The following EML1 variants were observed in gnomAD, a reference collection of about 807,000 sequenced individuals.
The protein encoded by EML1 is EMAP like 1, also known as echinoderm microtubule-associated protein-like 1.
EML1 carries 27 observed loss-of-function variants against 110.4 expected under a neutral mutation model. The ratio of observed to expected loss-of-function variants is 0.24; its 90% confidence interval spans 0.18 to 0.34. EML1 has a LOEUF of 0.34. Ranked by LOEUF, EML1 falls within the 10% of genes least tolerant of loss-of-function variation. The probability of loss-of-function intolerance (pLI) is 1.00; values close to 1 mark genes in which losing one functional copy is unlikely to be tolerated. For synonymous variants in EML1, 344 were observed against 385.8 expected (o/e 0.89, Z 1.27); for missense variants, 741 against 1,030.9 (o/e 0.72, Z 3.85).
intron 1 of EML1, among the ~76,000 whole-genome samples, chr14:99,754,994 G>T (rs906073995): frequency 6.6e-6 from 1 of 152,234 alleles, no homozygotes; most frequent in African/African-American, 2.4e-5. Context: ...TCCCGCTAAT[G>T]GTTTATCTTC....
intron 8 of EML1, among the ~76,000 whole-genome samples, chr14:99,900,282 G>A (rs1169961533): frequency 4.1e-5 from 6 of 147,932 alleles, no homozygotes; most frequent in African/African-American, 1.0e-4. Flanking sequence ...TCCACCTCCC[G>A]GGTTCAAGCG....
chr14:99,918,764 A>G lies in EML1; in HGVS notation c.1820+915A>G, dbSNP rs374246726. Among the ~76,000 whole-genome samples the G allele has an allele frequency of 2.0e-4, 30 of 152,252 alleles. No homozygotes were observed. The South Asian group carries it at 3.9e-3, about 20-fold the overall frequency. ...CAGGAGTTCGAGGCTGCATCGCACT[A>G]TGATTGCACCACTGTACCCTCGCCT... On this transcript the variant is annotated intron_variant, in intron 16 of 21. Transcript: ENST00000262233.
At chr14:99,815,494 C>G (rs1566879332) in intron 1 of EML1, among the ~76,000 whole-genome samples, 2 of 152,140 alleles carry the variant, frequency 1.3e-5, no homozygotes, top group African/African-American at 4.8e-5. Flanking sequence ...GATATGCCCC[C>G]TTGTTGTGTC....
rs1264282419 is a variant in EML1, at chr14:99,936,811, A to C, written c.2095+477A>C. On this transcript the variant is annotated intron_variant, in intron 19 of 21. Coordinates refer to ENST00000262233, the MANE Select transcript of EML1 (RefSeq NM_004434.3). The surrounding 1 kb of genome is among the most constrained non-coding windows in gnomAD (Gnocchi z 5.5). ...CTGACCCTGGCCAGTCTCTGGGCCCAGGCAGTGCTTGGGAACAGCGAGGAT... is the reference window on the plus strand; with the variant it reads ...CTGACCCTGGCCAGTCTCTGGGCCCCGGCAGTGCTTGGGAACAGCGAGGAT... 2.0e-5 allele frequency among the ~76,000 whole-genome samples: 3 copies of C among 152,136 alleles called. No homozygotes were observed. Among genetic ancestry groups the C allele is most frequent in the Non-Finnish European group, 4.4e-5 (3 of 68,016 alleles).
chr14:99,803,232 G>A lies in EML1; in HGVS notation c.67+9689G>A, dbSNP rs115033995. Among the ~76,000 whole-genome samples, 880 of 152,260 alleles carry A rather than the reference G, an allele frequency of 5.8e-3. 11 individuals are homozygous for A. Among genetic ancestry groups the A allele is most frequent in the African/African-American group, 0.02 (846 of 41,556 alleles). ...TCTTATAGCACCTCCTCAAACACACGCACCAGGCGCCACCAGGCACCATGC... is the reference window on the plus strand; with the variant it reads ...TCTTATAGCACCTCCTCAAACACACACACCAGGCGCCACCAGGCACCATGC... On this transcript the variant is annotated intron_variant, in intron 1 of 21. Transcript: ENST00000262233.
intron 17 of EML1, among the ~76,000 whole-genome samples, chr14:99,925,838 G>A (rs1340244513): frequency 1.3e-5 from 2 of 152,098 alleles, no homozygotes; most frequent in South Asian, 2.1e-4. Flanking sequence ...CCAGGAATGC[G>A]CTCACCCATC....
intron 1 of EML1, among the ~76,000 whole-genome samples, chr14:99,819,046 T>C (rs1353483284): frequency 6.6e-6 from 1 of 152,154 alleles, no homozygotes; most frequent in Non-Finnish European, 1.5e-5. Flanking sequence ...CTTGAGAAAC[T>C]CCTGAGCTCA....
chr14:99,821,082 AC>A (rs2058254121), intron 1 of EML1, among the ~76,000 whole-genome samples: 1 of 146,674 alleles, frequency 6.8e-6, no homozygotes, highest in Non-Finnish European at 1.5e-5. Flanking sequence ...GAGTGCAGTG[AC>A]ACGGTCATAG....
intron 1 of EML1, among the ~76,000 whole-genome samples, chr14:99,786,658 G>A (rs1316809443): frequency 2.0e-5 from 3 of 152,262 alleles, no homozygotes; most frequent in Non-Finnish European, 4.4e-5. Flanking sequence ...CGGCACGTCT[G>A]AGAGTCGCGA....
In EML1 at chr14:99,820,845, G is replaced by A. The variant is rs2139743872; in HGVS notation, c.67+27302G>A. On this transcript the variant is annotated intron_variant, in intron 1 of 21. Transcript: ENST00000262233. ...AGCATGGAAGGAGGAGCCATGTGGT[G>A]GGAAGGTGCACGGAGGCCCGGTGGC... Among the ~76,000 whole-genome samples, 2 of 152,160 alleles carry A rather than the reference G, an allele frequency of 1.3e-5. 1 individual carries two copies. The highest frequency in any genetic ancestry group is 4.2e-4 in the South Asian group (2 of 4,806).
intron 4 of EML1, among the ~76,000 whole-genome samples, chr14:99,885,428 A>T (rs1415498038): frequency 1.3e-5 from 2 of 152,234 alleles, no homozygotes; most frequent in Non-Finnish European, 2.9e-5. Context: ...ATACAGTATT[A>T]TAATTTTGTG....
At chr14:99,894,081 C>T (rs2059633054) in intron 5 of EML1, among the ~76,000 whole-genome samples, 1 of 151,980 alleles carries the variant, frequency 6.6e-6, no homozygotes, top group Non-Finnish European at 1.5e-5. Flanking sequence ...GAGCATTTTC[C>T]TTTCTGCATT....
intron 1 of EML1, among the ~76,000 whole-genome samples, chr14:99,745,873 A>G (rs888171215): frequency 3.3e-5 from 5 of 152,186 alleles, no homozygotes; most frequent in African/African-American, 1.2e-4. Flanking sequence ...TGCTGTGTGC[A>G]TGGTGTACTG....
intron 17 of EML1, among the ~76,000 whole-genome samples, chr14:99,932,359 C>T (rs887471899): frequency 2.6e-5 from 4 of 152,102 alleles, no homozygotes; most frequent in Admixed American, 1.3e-4. Flanking sequence ...ATATGGGGGC[C>T]GGGCGCGGTG....
intron 17 of EML1, among the ~76,000 whole-genome samples, chr14:99,927,386 G>T (rs1248300998): frequency 6.6e-6 from 1 of 152,062 alleles, no homozygotes; most frequent in African/African-American, 2.4e-5. Context: ...TCTGTCCCCT[G>T]TATTTCCCAT....
chr14:99,780,668 G>A (rs550446814), intron 1 of EML1, among the ~76,000 whole-genome samples: 7 of 152,128 alleles, frequency 4.6e-5, no homozygotes, highest in Admixed American at 2.0e-4. Context: ...TGGACTGCAC[G>A]TATGATGATG....
At chr14:99,900,504 T>C (rs1449712204) in intron 8 of EML1, among the ~76,000 whole-genome samples, 5 of 152,196 alleles carry the variant, frequency 3.3e-5, no homozygotes, top group African/African-American at 1.2e-4. Flanking sequence ...CTCTTAATAT[T>C]ATTTGGTGGT....
At chr14:99,838,918 C>CGCGTGTGT (rs3071409) in intron 1 of EML1, 25 of 33,642 alleles carry the variant, frequency 7.4e-4, no homozygotes, top group Middle Eastern at 0.029. Flanking sequence ...CGCGCGCGCG[C>CGCGTGTGT]GTGTGTGTGT....
intron 1 of EML1, among the ~76,000 whole-genome samples, chr14:99,832,721 T>G (rs1290929276): frequency 2.0e-5 from 3 of 152,230 alleles, no homozygotes; most frequent in Non-Finnish European, 2.9e-5. Flanking sequence ...GTTATTCACT[T>G]TCTTGTTGAG....
Sources: allele counts gnomAD v4.1 joint callset (sites outside exome capture counted in the v4.1 genomes callset), GRCh38; gene constraint gnomAD v4.1.1; non-coding constraint Gnocchi (gnomAD v3.1); transcripts MANE v1.5; gene names NCBI Gene and HGNC (gene_info 2026-07-23, HGNC 2026-07-21).